ZNF618: variants seen among roughly 807,000 people sequenced by gnomAD.
The protein encoded by ZNF618 is neural precursor cell expressed, developmentally down-regulated 10.
A neutral mutation model predicts 103.0 loss-of-function variants in ZNF618; 34 were observed. That is an observed-to-expected ratio of 0.33 (90% CI 0.25 to 0.44). ZNF618 has a LOEUF of 0.44. Ranked by LOEUF, ZNF618 falls within the 20% of genes least tolerant of loss-of-function variation. The pLI is 1.00. For missense variants in ZNF618, 1,059 were observed against 1,295.4 expected, an observed-to-expected ratio of 0.82 and a Z score of 2.80; for synonymous variants, 551 against 542.2, an observed-to-expected ratio of 1.02 and a Z score of -0.23.
At chr9:113,952,818 C>A (rs1304435016) in intron 1 of ZNF618, among the ~76,000 whole-genome samples, 1 of 152,150 alleles carries the variant, frequency 6.6e-6, no homozygotes, top group African/African-American at 2.4e-5. Flanking sequence ...TCCAGACTTG[C>A]CATGCAGTTG....
At position 114,045,868 on chromosome 9, in the gene ZNF618, A is replaced by G. The variant is rs77833971; in HGVS notation, c.1247-2025A>G. 3.6e-3 allele frequency among the ~76,000 whole-genome samples: 545 copies of G among 152,064 alleles called. 32 individuals are homozygous for G. The East Asian group carries it at 0.095, about 26-fold the overall frequency. On this transcript the variant is annotated intron_variant, in intron 13 of 14. Coordinates refer to ENST00000374126, the MANE Select transcript of ZNF618 (RefSeq NM_001318042.2). ...ACAGTAAGTCTTCCAGTCCATGAACATGGAATATCTTTTCATTTACTTAGG... is the reference window on the plus strand; with the variant it reads ...ACAGTAAGTCTTCCAGTCCATGAACGTGGAATATCTTTTCATTTACTTAGG...
chr9:113,922,644 G>A (rs997546626), intron 1 of ZNF618, among the ~76,000 whole-genome samples: 1 of 152,084 alleles, frequency 6.6e-6, no homozygotes, highest in Non-Finnish European at 1.5e-5. Flanking sequence ...TGTCTGTTCT[G>A]TTTATTGTGA....
At chr9:113,905,016 G>C (rs1410758102) in intron 1 of ZNF618, among the ~76,000 whole-genome samples, 2 of 152,300 alleles carry the variant, frequency 1.3e-5, no homozygotes, top group East Asian at 3.9e-4. Context: ...GTTGGGTACA[G>C]GGAGGGCATT....
At chr9:114,028,659 G>T (rs1843724090) in intron 10 of ZNF618, 74 bp from the exon 11 acceptor site, 1 of 1,494,368 alleles carries the variant, frequency 6.7e-7, no homozygotes, top group African/African-American at 1.4e-5. Context: ...TGGAATGTGG[G>T]GCTGGTGGCC....
intron 1 of ZNF618, among the ~76,000 whole-genome samples, chr9:113,895,473 CTATATCCATTAGTGAGATTGCCCTGCAG>C (rs1829961095): frequency 6.6e-6 from 1 of 152,026 alleles, no homozygotes; most frequent in African/African-American, 2.4e-5. Context: ...CGTTTTGTGT[CTATATCCATTAGTGAGATTGCCCTGCAG>C]TTTTATTTTT....
Position 114,028,792 on chromosome 9 carries a change from C to T in ZNF618, c.904C>T (p.Pro302Ser), listed in dbSNP as rs1456361616. The change falls in exon 11 of 15, where the codon CCA (proline) becomes TCA (serine). Residue 302 changes from proline to serine, a missense_variant. Physicochemically the swap from Pro to Ser is moderately conservative, Grantham distance 74. This residue lies in a region of ZNF618 where 434 missense variants were observed against 476.0 expected (regional missense o/e 0.91). Transcript: ENST00000374126. Reference sequence around the variant, plus strand: ...AGACACGGGCTCTGAGTGTTCACATCCAGAGGTCTCCCCATCTCCACGCTT... The same window carrying T: ...AGACACGGGCTCTGAGTGTTCACATTCAGAGGTCTCCCCATCTCCACGCTT... Reference protein sequence around the residue: ...DPDTGSECSHPEVSPSPRFVA... With the variant: ...DPDTGSECSHSEVSPSPRFVA... 12 of 1,550,464 alleles carry T rather than the reference C, an allele frequency of 7.7e-6. No homozygotes were observed. Among genetic ancestry groups the T allele is most frequent in the Non-Finnish European group, 9.6e-6 (11 of 1,146,990 alleles).
chr9:114,031,497 A>G (rs1243298040), intron 11 of ZNF618, among the ~76,000 whole-genome samples: 1 of 152,180 alleles, frequency 6.6e-6, no homozygotes, highest in African/African-American at 2.4e-5. Flanking sequence ...CCCCATGACC[A>G]TCCGCAACCC....
intron 13 of ZNF618, among the ~76,000 whole-genome samples, chr9:114,041,145 G>C (rs982564125): frequency 1.3e-5 from 2 of 152,174 alleles, no homozygotes; most frequent in Non-Finnish European, 2.9e-5. Flanking sequence ...AGAAGTGTCT[G>C]TTCATATCCT....
intron 6 of ZNF618, among the ~76,000 whole-genome samples, chr9:114,002,889 G>A (rs1401743469): frequency 6.6e-6 from 1 of 152,246 alleles, no homozygotes; most frequent in Non-Finnish European, 1.5e-5. Flanking sequence ...GGGAAGGTTA[G>A]TGGGTGTTCT....
At chr9:114,047,238 A>G (rs955012997) in intron 13 of ZNF618, among the ~76,000 whole-genome samples, 8 of 152,226 alleles carry the variant, frequency 5.3e-5, no homozygotes, top group African/African-American at 1.9e-4. Context: ...TGTGGAGGAC[A>G]CATCCAGGAA....
chr9:114,036,481 C>T (rs962818200), intron 13 of ZNF618, 104 bp downstream of exon 13: 13 of 1,229,752 alleles, frequency 1.1e-5, no homozygotes, highest in East Asian at 5.1e-5. Context: ...CCGCTCTTTC[C>T]TGGAAAATGG....
Position 114,049,993 on chromosome 9 carries a change from C to T in ZNF618, c.2691C>T (p.Thr897=), listed in dbSNP as rs779682654. ...PDLFQYWSCV[T]QKHTKLAKLA... ...TCTTCCAGTACTGGTCGTGCGTTACCCAAAAGCACACAAAACTCGCCAAGC... is the reference window on the plus strand; with the variant it reads ...TCTTCCAGTACTGGTCGTGCGTTACTCAAAAGCACACAAAACTCGCCAAGC... Residue 897 remains threonine, a synonymous_variant, in exon 15 of 15, where the codon ACC becomes ACT. Coordinates refer to ENST00000374126, the MANE Select transcript of ZNF618 (RefSeq NM_001318042.2). The T allele has an allele frequency of 4.3e-6, 7 of 1,613,958 alleles. No individual in the cohort carries two copies. In the South Asian group the frequency reaches 7.7e-5, roughly 18 times the overall value.
chr9:114,009,508 G>C (rs1842054261), intron 9 of ZNF618, among the ~76,000 whole-genome samples: 1 of 152,142 alleles, frequency 6.6e-6, no homozygotes, highest in South Asian at 2.1e-4. Flanking sequence ...GGGGCTGGGT[G>C]GCCAGCCCAG....
intron 1 of ZNF618, among the ~76,000 whole-genome samples, chr9:113,884,774 C>CACACACAGAGAG (rs1205428615): frequency 7.0e-6 from 1 of 142,290 alleles, no homozygotes; most frequent in Admixed American, 7.0e-5. Flanking sequence ...CACAAACACA[C>CACACACAGAGAG]AGAGAGAGAG....
chr9:114,000,087 A>G (rs571726257), intron 4 of ZNF618, among the ~76,000 whole-genome samples: 1 of 152,294 alleles, frequency 6.6e-6, no homozygotes, highest in East Asian at 1.9e-4. Flanking sequence ...CTGTGTGACA[A>G]GGGTAATACA....
At position 113,948,346 on chromosome 9, in the gene ZNF618, A is replaced by G. The variant is rs552556175; in HGVS notation, c.34-20771A>G. Reference sequence around the variant, plus strand: ...CGCTAGTCAGAAGGCGGAATAGGGCAGGAAAGCAGAGATGACATTTCCCAC... The same window carrying G: ...CGCTAGTCAGAAGGCGGAATAGGGCGGGAAAGCAGAGATGACATTTCCCAC... On this transcript the variant is annotated intron_variant, in intron 1 of 14. Transcript: ENST00000374126. Among the ~76,000 whole-genome samples the G allele has an allele frequency of 3.3e-5, 5 of 152,362 alleles. No individual in the cohort carries two copies. In the South Asian group the frequency reaches 1.0e-3, roughly 32 times the overall value.
At chr9:113,918,102 TCCTTTAA>T (rs1564168713) in intron 1 of ZNF618, among the ~76,000 whole-genome samples, 1 of 152,158 alleles carries the variant, frequency 6.6e-6, no homozygotes, top group Non-Finnish European at 1.5e-5. Context: ...TGCCCTTGAG[TCCTTTAA>T]AGAGTCCCCA....
chr9:113,916,758 T>C (rs573287736), intron 1 of ZNF618, among the ~76,000 whole-genome samples: 118 of 152,318 alleles, frequency 7.7e-4, no homozygotes, highest in African/African-American at 2.8e-3. Context: ...TCACCCAACA[T>C]GGTCCCTTAA....
At chr9:113,919,122 T>C (rs1832398909) in intron 1 of ZNF618, among the ~76,000 whole-genome samples, 1 of 152,026 alleles carries the variant, frequency 6.6e-6, no homozygotes, top group Non-Finnish European at 1.5e-5. Context: ...TCCCAGGGCA[T>C]CCCCCATCTC....
Sources: gnomAD v4.1 joint callset for allele counts (sites outside exome capture counted in the v4.1 genomes callset) on GRCh38, gnomAD v4.1.1 for gene constraint, gnomAD v4.1.1 regional missense constraint, MANE v1.5 for transcripts, NCBI Gene and HGNC (gene_info 2026-07-23, HGNC 2026-07-21) for gene names.